Variants in CDH23 observed in about 807,000 individuals in gnomAD.
CDH23 encodes cadherin-23.
CDH23 carries 189 observed loss-of-function variants against 317.1 expected under a neutral mutation model. That is an observed-to-expected ratio of 0.60 (90% CI 0.53 to 0.67). CDH23 has a LOEUF of 0.67. CDH23 is among the 30% of genes least tolerant of loss of function. CDH23 has a pLI of 0.00. For synonymous variants in CDH23, 1,839 were observed against 1,876.8 expected, an observed-to-expected ratio of 0.98 and a Z score of 0.52; for missense variants, 4,401 against 4,592.4, an observed-to-expected ratio of 0.96 and a Z score of 1.20.
chr10:71,667,359 A>AGAGAGAGAGAGTGTGTGTGTGTGT (rs58361666), intron 14 of CDH23, among the ~76,000 whole-genome samples: 6 of 112,076 alleles, frequency 5.4e-5, no homozygotes, highest in Non-Finnish European at 1.0e-4. Flanking sequence ...AGAGAGAGAG[A>AGAGAGAGAGAGTGTGTGTGTGTGT]GTGTGTGTGT....
At chr10:71,696,423 C>T (rs1385349054) in intron 22 of CDH23, among the ~76,000 whole-genome samples, 1 of 152,202 alleles carries the variant, frequency 6.6e-6, no homozygotes, top group Non-Finnish European at 1.5e-5. Context: ...AGAGGGATTC[C>T]GTTGCCACTG....
chr10:71,773,794 C>T (rs1840749496), intron 38 of CDH23, among the ~76,000 whole-genome samples: 1 of 152,166 alleles, frequency 6.6e-6, no homozygotes, highest in African/African-American at 2.4e-5. Context: ...AGTAGATCTA[C>T]CTCTAACAGC....
chr10:71,695,592 C>A (rs549136875), intron 22 of CDH23, 67 bp downstream of exon 22: 4 of 1,112,688 alleles, frequency 3.6e-6, no homozygotes, highest in Non-Finnish European at 5.5e-6. Context: ...CCTCCCACTG[C>A]GATTCCAGGG....
chr10:71,658,317 TAGC>T lies in CDH23; in HGVS notation c.1449+11703_1449+11705del, dbSNP rs1195211573. On this transcript the variant is annotated intron_variant, in intron 14 of 69. Coordinates refer to ENST00000224721, the MANE Select transcript of CDH23 (RefSeq NM_022124.6). ...TGGAGAGAGAGAGAGAGAGAGAACA[TAGC>T]AGGCTGTCGCCTTTCTTCCACTGCG... 3.9e-5 allele frequency among the ~76,000 whole-genome samples: 6 copies of T among 151,994 alleles called. No individual in the cohort carries two copies. The East Asian group carries it at 1.2e-3, about 29-fold the overall frequency.
rs1168686730 is a variant in CDH23, at chr10:71,558,079, CATCTCCCTCCTGGG to C, written c.430-8662_430-8649del. Among the ~76,000 whole-genome samples the C allele has an allele frequency of 2.4e-5, 3 of 127,182 alleles. No individual in the cohort carries two copies. The East Asian group carries it at 1.1e-3, about 46-fold the overall frequency. The allele number at this position is 127,182 out of a possible 152,430, so 83.4% of individuals were successfully genotyped here. Reference sequence around the variant, plus strand: ...ATGGCATGGTCTTGGCTCACTGCAACATCTCCCTCCTGGGTTCAAGCGTTTCTCCTGCCTCAGCC... The same window carrying C: ...ATGGCATGGTCTTGGCTCACTGCAACTTCAAGCGTTTCTCCTGCCTCAGCC... On this transcript the variant is annotated intron_variant, in intron 6 of 69. Transcript: ENST00000224721.
intron 14 of CDH23, among the ~76,000 whole-genome samples, chr10:71,651,970 G>A (rs920166594): frequency 1.8e-4 from 27 of 152,206 alleles, no homozygotes; most frequent in African/African-American, 5.5e-4. Context: ...CCTGGCGCAG[G>A]GCTTACTGAG....
At chr10:71,464,389 TGGAG>T (rs1217529043) in intron 3 of CDH23, among the ~76,000 whole-genome samples, 1 of 152,170 alleles carries the variant, frequency 6.6e-6, no homozygotes, top group African/African-American at 2.4e-5. Flanking sequence ...TAGTTAACAG[TGGAG>T]CCAAGACTGA....
Position 71,397,376 on chromosome 10 carries a change from G to C in CDH23, c.-6+58G>C, listed in dbSNP as rs1847568907. On this transcript the variant is annotated intron_variant, in intron 1 of 69. Transcript: ENST00000224721. The surrounding 1 kb of genome is among the most constrained non-coding windows in gnomAD (Gnocchi z 4.8). Reference sequence around the variant, plus strand: ...TCGCTTCCCTCTCCTTCCCCTCGCCGTTCGCCCGCCGCGCGGCGGGGAAGT... The same window carrying C: ...TCGCTTCCCTCTCCTTCCCCTCGCCCTTCGCCCGCCGCGCGGCGGGGAAGT... 6.6e-6 allele frequency: 1 copy of C among 151,836 alleles called. No homozygotes were observed. The highest frequency in any genetic ancestry group is 2.4e-5 in the African/African-American group (1 of 41,154). 9.4% of individuals were successfully genotyped at this position (151,836 alleles called of 1,614,324 possible). A position where few individuals can be genotyped will look rare whatever the true frequency, so the allele number is the denominator to read the frequency against.
chr10:71,760,277 G>C, intron 38 of CDH23, among the ~76,000 whole-genome samples: 1 of 83,868 alleles, frequency 1.2e-5, no homozygotes, highest in Non-Finnish European at 2.7e-5. Context: ...ACATATATAT[G>C]TATGTATATA....
intron 18 of CDH23, among the ~76,000 whole-genome samples, chr10:71,683,865 G>A (rs1308785384): frequency 2.6e-5 from 4 of 151,972 alleles, no homozygotes; most frequent in East Asian, 3.9e-4. Context: ...GGTGGATCAC[G>A]AGGTCAGGAG....
intron 3 of CDH23, among the ~76,000 whole-genome samples, chr10:71,493,598 G>T (rs150113525): frequency 1.3e-5 from 2 of 152,266 alleles, no homozygotes; most frequent in East Asian, 3.9e-4. Flanking sequence ...AGGGCTTCCT[G>T]AACAAATAGA....
chr10:71,711,768 A>C (rs1005865483), intron 27 of CDH23: 1 of 152,180 alleles, frequency 6.6e-6, no homozygotes, highest in South Asian at 2.1e-4. Flanking sequence ...AGAAATCAGA[A>C]GATCTGGTGT....
chr10:71,804,703 T>C lies in CDH23; in HGVS notation c.7873-1103T>C, dbSNP rs115314367. On this transcript the variant is annotated intron_variant, in intron 55 of 69. Transcript: ENST00000224721. ...CTTTGCTCTTTCAGAGTGATCAGGA[T>C]ATCTCGAGTGACCCTGCAGGGACAG... is the stretch of plus-strand genomic sequence containing the variant. 9.6e-3 allele frequency among the ~76,000 whole-genome samples: 1,470 copies of C among 152,332 alleles called. 22 individuals are homozygous for C. The highest frequency in any genetic ancestry group is 0.031 in the African/African-American group (1,270 of 41,578).
intron 3 of CDH23, among the ~76,000 whole-genome samples, chr10:71,467,137 G>A (rs1309919234): frequency 1.3e-5 from 2 of 151,494 alleles, no homozygotes; most frequent in Non-Finnish European, 2.9e-5. Flanking sequence ...ATGGCTCCGC[G>A]AGCCCCTTCA....
intron 9 of CDH23, among the ~76,000 whole-genome samples, chr10:71,613,935 G>C (rs555278200): frequency 1.3e-5 from 2 of 152,186 alleles, no homozygotes; most frequent in African/African-American, 4.8e-5. Context: ...ATTTTGTGCC[G>C]GGGATGGTCC....
chr10:71,765,441 C>T (rs1318393226), intron 38 of CDH23, among the ~76,000 whole-genome samples: 1 of 152,146 alleles, frequency 6.6e-6, no homozygotes, highest in Admixed American at 6.5e-5. Flanking sequence ...GGTTGGGGGC[C>T]CTCAAGTGGA....
chr10:71,760,945 G>C (rs1223579100), intron 38 of CDH23: 2 of 1,613,140 alleles, frequency 1.2e-6, no homozygotes, highest in East Asian at 4.5e-5. Context: ...AAACAGAAGG[G>C]CCATTAGGTG....
rs565887952 is a variant in CDH23 at position 71,701,863 on chromosome 10, G to A, written c.2398-159G>A. 9.6e-4 allele frequency among the ~76,000 whole-genome samples: 146 copies of A among 152,046 alleles called. No individual in the cohort carries two copies. Among genetic ancestry groups the A allele is most frequent in the African/African-American group, 3.2e-3 (133 of 41,470 alleles). ...AGAACTCCTGCCTCCCAGCCCTCTCGGACCCCCCTACCGGGCCCAGCGGGG... is the reference window on the plus strand; with the variant it reads ...AGAACTCCTGCCTCCCAGCCCTCTCAGACCCCCCTACCGGGCCCAGCGGGG... On this transcript the variant is annotated intron_variant, in intron 22 of 69. Transcript: ENST00000224721.
At chr10:71,646,346 C>T (rs1403143367) in intron 13 of CDH23, 113 bp from the exon 14 acceptor site, 3 of 1,511,556 alleles carry the variant, frequency 2.0e-6, no homozygotes, top group East Asian at 4.5e-5. Context: ...GGCAGAGACT[C>T]TAACAGGTGC....
Sources: allele counts gnomAD v4.1 joint callset (sites outside exome capture counted in the v4.1 genomes callset), GRCh38; gene constraint gnomAD v4.1.1; non-coding constraint Gnocchi (gnomAD v3.1); transcripts MANE v1.5; gene names NCBI Gene and HGNC (gene_info 2026-07-23, HGNC 2026-07-21).